The following ITGAX variants were observed in gnomAD, a reference collection of about 807,000 sequenced individuals.
ITGAX encodes the protein integrin alpha-X.
Under a neutral mutation model 140.2 loss-of-function variants are expected in ITGAX, and 99 were observed. That is an observed-to-expected ratio of 0.71 (90% CI 0.60 to 0.83). The LOEUF (loss-of-function observed/expected upper bound fraction) is 0.83, where lower values mean the gene tolerates loss of function less well. ITGAX is among the 40% of genes least tolerant of loss of function. ITGAX has a pLI of 0.00. For missense variants in ITGAX, 1,444 were observed against 1,482.0 expected, an observed-to-expected ratio of 0.97 and a Z score of 0.42; for synonymous variants, 631 against 600.4, an observed-to-expected ratio of 1.05 and a Z score of -0.75.
chr16:31,380,526 T>C lies in ITGAX; in HGVS notation c.3178T>C (p.Leu1060=), dbSNP rs138130481. Residue 1060 remains leucine (L), a synonymous_variant, in exon 28 of 30, where the codon TTG becomes CTG. Transcript: ENST00000268296. ...NLSFGWVRQI[L]QKKVSVVSVA... ...GTTTCCCCCAACCCCTTTGCAGATA[T>C]TGCAGAAGAAGGTGTCGGTCGTGAG... is the stretch of plus-strand genomic sequence containing the variant. 1.1e-5 allele frequency: 18 copies of C among 1,614,248 alleles called. No individual in the cohort carries two copies. In the African/African-American group the frequency reaches 1.9e-4, roughly 17 times the overall value.
At chr16:31,357,140 G>T in intron 4 of ITGAX, 39 bp downstream of exon 4, 1 of 1,592,590 alleles carries the variant, frequency 6.3e-7, no homozygotes, top group Non-Finnish European at 8.5e-7. Context: ...CTGAGGGAGG[G>T]AGGGAGGAGC....
chr16:31,381,700 C>A, intron 29 of ITGAX, 103 bp from the exon 30 acceptor site: 1 of 764,842 alleles, frequency 1.3e-6, no homozygotes, highest in East Asian at 2.5e-5. Flanking sequence ...TGCTTTGAAC[C>A]TAGCAAGGAT....
chr16:31,362,980 A>T lies in ITGAX; in HGVS notation c.1405A>T (p.Ser469Cys). Residue 469 changes from serine (S) to cysteine (C), a missense_variant, in exon 13 of 30, where the codon AGC becomes TGC. Physicochemically the swap from Ser to Cys is moderately radical, Grantham distance 112. Coordinates refer to ENST00000268296, the MANE Select transcript of ITGAX (RefSeq NM_000887.5). ...CTCCCTCTGCTCCGTGGACGTAGAC[A>T]GCGACGGCAGCACCGACCTGGTCCT... ...GASLCSVDVD[S>C]DGSTDLVLIG... is the part of the protein sequence containing the mutation. The T allele has an allele frequency of 6.2e-7, 1 of 1,611,792 alleles. No homozygotes were observed. The highest frequency in any genetic ancestry group is 8.5e-7 in the Non-Finnish European group (1 of 1,179,804).
At chr16:31,377,942 TG>T (rs2081035137) in intron 23 of ITGAX, among the ~76,000 whole-genome samples, 1 of 152,144 alleles carries the variant, frequency 6.6e-6, no homozygotes. Context: ...AGAGGAGGAA[TG>T]AGGCTTCAGA....
Position 31,361,238 on chromosome 16 carries a change from T to C in ITGAX, c.1012+25T>C, listed in dbSNP as rs779844548. On this transcript the variant is annotated intron_variant, in intron 9 of 29. Transcript: ENST00000268296. ...GGTGAGTCTGAAGGGAGCTCTTCGC[T>C]TGGGGAATCCTCAGCCGTTAACACC... 3.8e-6 allele frequency: 6 copies of C among 1,590,256 alleles called. No individual in the cohort carries two copies. The African/African-American group carries it at 5.4e-5, about 14-fold the overall frequency.
chr16:31,372,175 G>T (rs1022406781), intron 17 of ITGAX, among the ~76,000 whole-genome samples: 2 of 150,444 alleles, frequency 1.3e-5, no homozygotes, highest in Middle Eastern at 3.4e-3. Flanking sequence ...TGGGGGGGGG[G>T]AGGAAAAAAA....
chr16:31,359,775 C>A lies in ITGAX; in HGVS notation c.506C>A (p.Thr169Lys). ...AGCATCTCCTCCCGCAACTTTGCCA[C>A]GATGATGAACTTCGTGAGAGCTGTG... ...SGSISSRNFA[T>K]MMNFVRAVIS... Residue 169 changes from threonine (T) to lysine (K), a missense_variant, in exon 6 of 30, where the codon ACG (threonine) becomes AAG (lysine). Transcript: ENST00000268296. The A allele has an allele frequency of 6.2e-7, 1 of 1,614,100 alleles. No homozygotes were observed.
At chr16:31,363,606 C>T (rs769822055) in intron 14 of ITGAX, among the ~76,000 whole-genome samples, 4 of 150,628 alleles carry the variant, frequency 2.7e-5, no homozygotes, top group African/African-American at 9.6e-5. Context: ...CCACCATGTC[C>T]GGTTATTTTT....
At chr16:31,358,752 C>G (rs1175299933) in intron 5 of ITGAX, among the ~76,000 whole-genome samples, 1 of 150,696 alleles carries the variant, frequency 6.6e-6, no homozygotes, top group African/African-American at 2.4e-5. Context: ...GCACAGATAT[C>G]CAGGGTGGTG....
rs148027616 is a variant in ITGAX at position 31,379,549 on chromosome 16, A to G, written c.2790-19A>G. The G allele has an allele frequency of 3.1e-4, 485 of 1,555,004 alleles. 7 individuals are homozygous for G. The East Asian group carries it at 0.011, about 34-fold the overall frequency. ...GCCCCATGGTAGTTCACATCCACTTATGCGTCTTCTCTCTCCAGCCACGAA... is the reference window on the plus strand; with the variant it reads ...GCCCCATGGTAGTTCACATCCACTTGTGCGTCTTCTCTCTCCAGCCACGAA... On this transcript the variant is annotated intron_variant, in intron 23 of 29. Transcript: ENST00000268296.
chr16:31,371,079 GC>G lies in ITGAX; in HGVS notation c.1711-3del. ...TCTTGATTCACCCTTCTCTCCTCTG[GC>G]CAGCGGATCGCGGGCTCCCAGCTCT... is the stretch of plus-strand genomic sequence containing the variant. On this transcript the variant is annotated splice_polypyrimidine_tract_variant and splice_region_variant and intron_variant, in intron 14 of 29. Transcript: ENST00000268296. 6.2e-7 allele frequency: 1 copy of G among 1,613,682 alleles called. No individual in the cohort carries two copies. The highest frequency in any genetic ancestry group is 8.5e-7 in the Non-Finnish European group (1 of 1,179,994).
intron 23 of ITGAX, 47 bp downstream of exon 23, chr16:31,377,312 T>G: frequency 8.6e-7 from 1 of 1,165,772 alleles, no homozygotes. Context: ...CTCTCTGACC[T>G]CAAAAAGAAA....
Position 31,362,869 on chromosome 16 carries a change from T to C in ITGAX, c.1360-66T>C, listed in dbSNP as rs924664304. On this transcript the variant is annotated intron_variant, in intron 12 of 29. Transcript: ENST00000268296. The stretch of plus-strand genomic sequence containing the variant: ...GGAGGTCCTGGTACCTGGGGAGAGG[T>C]GGGACCTGGCCCACAGGGCTGCCTC... 23 of 1,606,010 alleles carry C rather than the reference T, an allele frequency of 1.4e-5. No individual in the cohort carries two copies. The South Asian group carries it at 1.9e-4, about 13-fold the overall frequency.
In ITGAX at chr16:31,361,844, A is replaced by G; in HGVS notation, c.1021A>G (p.Thr341Ala). 1 of 1,613,924 alleles carries G rather than the reference A, an allele frequency of 6.2e-7. No homozygotes were observed. Among genetic ancestry groups the G allele is most frequent in the Non-Finnish European group, 8.5e-7 (1 of 1,179,970 alleles). The change falls in exon 10 of 30, where the codon ACC (threonine) becomes GCC (alanine). Residue 341 changes from threonine to alanine, a missense_variant. Transcript: ENST00000268296. ...EKIFAIEGTE[T>A]TSSSSFELEM... The stretch of plus-strand genomic sequence containing the variant: ...GTCATGCCTTCCCCCAGGTACGGAG[A>G]CCACAAGCAGTAGCTCCTTCGAATT...
chr16:31,355,278 C>T lies in ITGAX; in HGVS notation c.24C>T (p.Leu8=), dbSNP rs1478982646. 1.2e-6 allele frequency: 2 copies of T among 1,613,832 alleles called. No homozygotes were observed. The highest frequency in any genetic ancestry group is 1.7e-6 in the Non-Finnish European group (2 of 1,179,986). ...TCATGACCAGGACCAGGGCAGCACT[C>T]CTCCTGTTCACAGGTGAGCCTGGAC... MTRTRAA[L]LLFTALATSL... Residue 8 remains leucine, a synonymous_variant, in exon 1 of 30, where the codon CTC becomes CTT. Coordinates refer to ENST00000268296, the MANE Select transcript of ITGAX (RefSeq NM_000887.5).
In ITGAX at chr16:31,357,272, A is replaced by G. The variant is rs768196583; in HGVS notation, c.338A>G (p.His113Arg). 1.2e-6 allele frequency: 2 copies of G among 1,606,924 alleles called. No individual in the cohort carries two copies. The highest frequency in any genetic ancestry group is 1.7e-6 in the Non-Finnish European group (2 of 1,177,314). Reference sequence around the variant, plus strand: ...CCCCAGGCCTGCGGCCCCACCGTGCACCACGAGTGCGGGAGGAACATGTAC... The same window carrying G: ...CCCCAGGCCTGCGGCCCCACCGTGCGCCACGAGTGCGGGAGGAACATGTAC... ...SQLLACGPTVHHECGRNMYLT... is the reference protein window; with the variant it reads ...SQLLACGPTVRHECGRNMYLT... Residue 113 changes from histidine to arginine, a missense_variant, in exon 5 of 30, where the codon CAC becomes CGC. His to Arg is a conservative substitution (Grantham distance 29). Coordinates refer to ENST00000268296, the MANE Select transcript of ITGAX (RefSeq NM_000887.5).
rs566059699 is a variant in ITGAX, at chr16:31,364,619, G to C, written c.1710+1245G>C. ...CTAGAAACAAAGGCGGATAATGACA[G>C]GTGTTGGTGAGGATGTGGAGAACCG... is the stretch of plus-strand genomic sequence containing the variant. On this transcript the variant is annotated intron_variant, in intron 14 of 29. Transcript: ENST00000268296. Among the ~76,000 whole-genome samples the C allele has an allele frequency of 2.2e-4, 34 of 152,234 alleles. No individual in the cohort carries two copies. In the East Asian group the frequency reaches 6.2e-3, roughly 28 times the overall value.
chr16:31,379,858 C>T lies in ITGAX; in HGVS notation c.2970C>T (p.His990=), dbSNP rs528173768. 134 of 1,613,780 alleles carry T rather than the reference C, an allele frequency of 8.3e-5. 2 individuals carry two copies. In the South Asian group the frequency reaches 1.3e-3, roughly 16 times the overall value. Residue 990 remains histidine, a synonymous_variant, in exon 25 of 30, where the codon CAC becomes CAT. Coordinates refer to ENST00000268296, the MANE Select transcript of ITGAX (RefSeq NM_000887.5). ...EAVWMDVEVS[H]PQNPSLRCSS... is the part of the protein sequence containing the mutation. ...TGTGGATGGATGTGGAGGTCTCCCA[C>T]CCCCAGGTACCCAAGGACTGCATGT...
In ITGAX at chr16:31,371,229, T is replaced by A. The variant is rs770364026; in HGVS notation, c.1841+15T>A. The stretch of plus-strand genomic sequence containing the variant: ...CTCCTGCTCAGGTGAGAGCAGCCTT[T>A]CTCAGAGGCTCCCCAGGTGGTCCTA... On this transcript the variant is annotated intron_variant, in intron 15 of 29. Transcript: ENST00000268296. 6.2e-7 allele frequency: 1 copy of A among 1,603,302 alleles called. No individual in the cohort carries two copies. Among genetic ancestry groups the A allele is most frequent in the Non-Finnish European group, 8.5e-7 (1 of 1,173,988 alleles).
Sources: allele counts gnomAD v4.1 joint callset (sites outside exome capture counted in the v4.1 genomes callset), GRCh38; gene constraint gnomAD v4.1.1; transcripts MANE v1.5; gene names NCBI Gene and HGNC (gene_info 2026-07-23, HGNC 2026-07-21).